Variants in MYO16 observed in about 807,000 individuals in gnomAD.
The protein encoded by MYO16 is unconventional myosin-XVI.
In MYO16, 94 loss-of-function variants were observed where a neutral mutation model predicts 205.3. That is an observed-to-expected ratio of 0.46 (90% CI 0.39 to 0.54). MYO16 has a LOEUF of 0.54. MYO16 is among the 20% of genes least tolerant of loss of function. MYO16 has a pLI of 0.00. For synonymous variants in MYO16, 988 were observed against 954.0 expected (o/e 1.04, Z -0.66); for missense variants, 2,315 against 2,387.5 (o/e 0.97, Z 0.63).
At chr13:109,046,579 G>A (rs987011119) in intron 23 of MYO16, among the ~76,000 whole-genome samples, 1 of 152,170 alleles carries the variant, frequency 6.6e-6, no homozygotes, top group Non-Finnish European at 1.5e-5. Context: ...AGTTTCGCAA[G>A]TGTGTTTACT....
intron 34 of MYO16, among the ~76,000 whole-genome samples, chr13:109,193,162 G>C (rs989355209): frequency 1.3e-5 from 2 of 151,952 alleles, no homozygotes; most frequent in African/African-American, 4.8e-5. Context: ...ACAGTGTATA[G>C]AGAATAGTGT....
chr13:108,787,215 G>A (rs1886485194), intron 5 of MYO16, among the ~76,000 whole-genome samples: 1 of 151,956 alleles, frequency 6.6e-6, no homozygotes, highest in Non-Finnish European at 1.5e-5. Flanking sequence ...TATATTTATG[G>A]CATATAATGT....
At chr13:108,793,789 G>C in intron 6 of MYO16, 149 bp downstream of exon 6, 1 of 906,896 alleles carries the variant, frequency 1.1e-6, no homozygotes, top group South Asian at 1.9e-5. Flanking sequence ...AAACACCTAA[G>C]TAAGCAAAGA....
intron 1 of MYO16, among the ~76,000 whole-genome samples, chr13:108,609,878 G>T (rs563572521): frequency 6.6e-6 from 1 of 152,214 alleles, no homozygotes; most frequent in African/African-American, 2.4e-5. Flanking sequence ...AAAGAGATTG[G>T]CTAGAAGGAA....
At chr13:108,853,201 C>T (rs548906138) in intron 10 of MYO16, among the ~76,000 whole-genome samples, 19 of 152,270 alleles carry the variant, frequency 1.2e-4, no homozygotes, top group South Asian at 6.2e-4. Flanking sequence ...TATGAGACTC[C>T]GCAAAGTGGA....
intron 24 of MYO16, among the ~76,000 whole-genome samples, chr13:109,048,011 A>T (rs1887102343): frequency 6.6e-6 from 1 of 152,136 alleles, no homozygotes. Flanking sequence ...ATTTATTATC[A>T]TTGGAAAATC....
intron 9 of MYO16, among the ~76,000 whole-genome samples, chr13:108,838,043 AT>A (rs1877018442): frequency 6.6e-6 from 1 of 152,114 alleles, no homozygotes; most frequent in South Asian, 2.1e-4. Flanking sequence ...TACAGAAAAT[AT>A]TTTTATATGA....
rs188868198 is a variant in MYO16, at chr13:108,939,836, C to T, written c.1926-17852C>T. On this transcript the variant is annotated intron_variant, in intron 16 of 34. Transcript: ENST00000457511. ...CCTATAGTGTTGTCATACTATCATA[C>T]GTGATGCGTCATATATATAATATGT... is the stretch of plus-strand genomic sequence containing the variant. 5.3e-3 allele frequency among the ~76,000 whole-genome samples: 804 copies of T among 152,096 alleles called. 6 individuals carry two copies. Among genetic ancestry groups the T allele is most frequent in the Admixed American group, 0.011 (173 of 15,254 alleles).
intron 4 of MYO16, among the ~76,000 whole-genome samples, chr13:108,732,331 C>G (rs534915943): frequency 1.3e-5 from 2 of 152,168 alleles, no homozygotes; most frequent in South Asian, 4.2e-4. Context: ...TAAGGAAAAG[C>G]AGATAAAACA....
chr13:108,662,378 G>A (rs1881541900), intron 1 of MYO16, among the ~76,000 whole-genome samples: 1 of 152,178 alleles, frequency 6.6e-6, no homozygotes, highest in Admixed American at 6.5e-5. Context: ...GCCACTACCA[G>A]GGTGGATAGG....
chr13:108,923,006 C>A (rs1881815742), intron 16 of MYO16, among the ~76,000 whole-genome samples: 1 of 152,068 alleles, frequency 6.6e-6, no homozygotes, highest in Non-Finnish European at 1.5e-5. Flanking sequence ...CTCCCAGTCA[C>A]ATGCTAGGAG....
chr13:108,588,381 A>G, the MYO16 span, among the ~76,000 whole-genome samples: 61 of 152,342 alleles, frequency 4.0e-4, no homozygotes, highest in African/African-American at 1.4e-3. Flanking sequence ...GCTCAGCGCT[A>G]GGTAGAGAGG....
chr13:109,140,596 C>A lies in MYO16; in HGVS notation c.4384C>A (p.Pro1462Thr). ...SVYEEMKCCL[P>T]DDGGPGAGSF... ...GTACGAGGAGATGAAGTGTTGCCTG[C>A]CCGACGACGGCGGCCCGGGCGCGGG... The change falls in exon 32 of 35, where the codon CCC (proline) becomes ACC (threonine). Residue 1462 changes from proline to threonine, a missense_variant. Physicochemically the swap from Pro to Thr is conservative, Grantham distance 38 (BLOSUM62 -1). Around this residue, in one of 3 missense-constraint regions of MYO16, gnomAD observed 1,097 missense variants for 1,092.0 expected, o/e 1.00. Coordinates refer to ENST00000457511, the MANE Select transcript of MYO16 (RefSeq NM_001198950.3). The surrounding 1 kb of genome is among the most constrained non-coding windows in gnomAD (Gnocchi z 8.0). The A allele has an allele frequency of 6.6e-7, 1 of 1,523,162 alleles. No homozygotes were observed. The highest frequency in any genetic ancestry group is 8.8e-7 in the Non-Finnish European group (1 of 1,141,586). The allele number at this position is 1,523,162 out of a possible 1,614,324, so 94.4% of individuals were successfully genotyped here.
chr13:108,878,192 C>T (rs2050121131), intron 12 of MYO16, among the ~76,000 whole-genome samples: 1 of 152,094 alleles, frequency 6.6e-6, no homozygotes, highest in South Asian at 2.1e-4. Flanking sequence ...AGCCTGGTAA[C>T]CCACAGCCCT....
intron 27 of MYO16, among the ~76,000 whole-genome samples, chr13:109,087,786 G>A (rs1015547370): frequency 6.6e-6 from 1 of 152,224 alleles, no homozygotes; most frequent in Non-Finnish European, 1.5e-5. Context: ...TGTCCCTCCT[G>A]AAAGATAGGA....
the MYO16 span, among the ~76,000 whole-genome samples, chr13:108,556,053 C>T: frequency 6.6e-6 from 1 of 152,088 alleles, no homozygotes; most frequent in South Asian, 2.1e-4. Context: ...CTAATGGATA[C>T]TTAGGTGATA....
chr13:108,924,421 G>A (rs1481521501), intron 16 of MYO16, among the ~76,000 whole-genome samples: 2 of 152,160 alleles, frequency 1.3e-5, no homozygotes, highest in East Asian at 1.9e-4. Flanking sequence ...AACCTGCTGA[G>A]CAATCATCCT....
intron 11 of MYO16, among the ~76,000 whole-genome samples, chr13:108,860,982 C>T (rs1443425110): frequency 6.6e-6 from 1 of 152,132 alleles, no homozygotes; most frequent in African/African-American, 2.4e-5. Context: ...TTAGTAAGGT[C>T]CTTGCAGATG....
intron 34 of MYO16, among the ~76,000 whole-genome samples, chr13:109,184,665 C>T (rs1175310090): frequency 2.6e-5 from 4 of 152,146 alleles, no homozygotes; most frequent in Non-Finnish European, 5.9e-5. Context: ...GGCGCAATCT[C>T]GGCTCACTGC....
Sources: allele counts gnomAD v4.1 joint callset (sites outside exome capture counted in the v4.1 genomes callset), GRCh38; gene constraint gnomAD v4.1.1; regional missense constraint gnomAD v4.1.1; non-coding constraint Gnocchi (gnomAD v3.1); transcripts MANE v1.5; gene names NCBI Gene and HGNC (gene_info 2026-07-23, HGNC 2026-07-21).